Variants in TMEM26 observed in about 807,000 individuals in gnomAD.
TMEM26 encodes the protein transmembrane protein 26.
In TMEM26, 38 loss-of-function variants were observed where a neutral mutation model predicts 28.8. That is an observed-to-expected ratio of 1.32 (90% CI 1.02 to 1.73). The LOEUF is 1.73. Among genes scored for constraint, TMEM26 ranks in the 40% most tolerant of loss-of-function variants. The pLI, the probability that TMEM26 is intolerant of heterozygous loss-of-function variation, is 0.00. For synonymous variants in TMEM26, 227 were observed against 182.9 expected (o/e 1.24, Z -1.95); for missense variants, 518 against 447.1 (o/e 1.16, Z -1.43).
At chr10:61,451,638 C>T (rs1840282141) in intron 1 of TMEM26, among the ~76,000 whole-genome samples, 2 of 152,130 alleles carry the variant, frequency 1.3e-5, no homozygotes, top group South Asian at 2.1e-4. Context: ...ATGTCTCACG[C>T]TTAATAAATT....
intron 1 of TMEM26, among the ~76,000 whole-genome samples, chr10:61,449,295 T>C (rs1314319879): frequency 1.3e-5 from 2 of 152,116 alleles, no homozygotes; most frequent in Non-Finnish European, 2.9e-5. Flanking sequence ...GCATATTTTT[T>C]TTAGCTTAAC....
intron 1 of TMEM26, among the ~76,000 whole-genome samples, chr10:61,450,801 G>A (rs1000142677): frequency 6.6e-6 from 1 of 151,990 alleles, no homozygotes; most frequent in Non-Finnish European, 1.5e-5. Context: ...GGAACCAATG[G>A]TTTATTGGCT....
intron 1 of TMEM26, among the ~76,000 whole-genome samples, chr10:61,444,003 T>C (rs1840137887): frequency 6.6e-6 from 1 of 152,198 alleles, no homozygotes; most frequent in African/African-American, 2.4e-5. Flanking sequence ...AAATCCTAAC[T>C]GTCACCATCA....
intron 4 of TMEM26, among the ~76,000 whole-genome samples, 182 bp downstream of exon 4, chr10:61,428,744 A>T (rs1458446189): frequency 1.3e-5 from 2 of 152,146 alleles, no homozygotes; most frequent in Admixed American, 6.6e-5. Flanking sequence ...TGTATTTCTT[A>T]AAAAACATAA....
chr10:61,413,900 A>G (rs1839609629), intron 4 of TMEM26: 3 of 990,714 alleles, frequency 3.0e-6, no homozygotes, highest in Non-Finnish European at 3.6e-6. Context: ...TGTCAGTGGG[A>G]GGATTAATAA....
In TMEM26 at chr10:61,428,965, A is replaced by G; in HGVS notation, c.566T>C (p.Leu189Pro). The G allele has an allele frequency of 6.2e-7, 1 of 1,613,256 alleles. No homozygotes were observed. Reference sequence around the variant, plus strand: ...TTCTAGGGTCTCACTTGTGAATTCCAGTATGTCAGCCGCTGTCCCCACAAA... The same window carrying G: ...TTCTAGGGTCTCACTTGTGAATTCCGGTATGTCAGCCGCTGTCCCCACAAA... ...LMFVGTAADI[L>P]EFTSETLEEQ... Residue 189 changes from leucine to proline, a missense_variant, in exon 4 of 6, where the codon CTG (leucine) becomes CCG (proline). Physicochemically the swap from Leu to Pro is moderately conservative, Grantham distance 98. Coordinates refer to ENST00000399298, the MANE Select transcript of TMEM26 (RefSeq NM_178505.8).
chr10:61,421,247 C>T (rs1220465021), intron 4 of TMEM26, among the ~76,000 whole-genome samples: 1 of 151,448 alleles, frequency 6.6e-6, no homozygotes, highest in Non-Finnish European at 1.5e-5. Context: ...CTTAAAAATG[C>T]TCATATAACC....
intron 1 of TMEM26, among the ~76,000 whole-genome samples, chr10:61,450,270 T>A (rs1840254704): frequency 6.6e-6 from 1 of 152,194 alleles, no homozygotes; most frequent in South Asian, 2.1e-4. Context: ...ACTTCATCTC[T>A]ATTTAATTCC....
chr10:61,414,427 A>G (rs1048122094), intron 4 of TMEM26: 2 of 152,036 alleles, frequency 1.3e-5, no homozygotes, highest in East Asian at 3.8e-4. Context: ...AGGAGGAGTA[A>G]TTGAAACCAA....
At chr10:61,416,020 A>T (rs1839646118) in intron 4 of TMEM26, 1 of 412,714 alleles carries the variant, frequency 2.4e-6, no homozygotes, top group Non-Finnish European at 4.8e-6. Flanking sequence ...TTCAAATTTC[A>T]TCACAATAGA....
intron 2 of TMEM26, among the ~76,000 whole-genome samples, chr10:61,431,947 T>C (rs1354031700): frequency 6.6e-6 from 1 of 152,024 alleles, no homozygotes; most frequent in East Asian, 1.9e-4. Flanking sequence ...GTGTATTCAG[T>C]TTTTAGCTCC....
chr10:61,445,260 A>G (rs1840160891), intron 1 of TMEM26, among the ~76,000 whole-genome samples: 1 of 152,168 alleles, frequency 6.6e-6, no homozygotes, highest in Admixed American at 6.5e-5. Context: ...GGCACTAGCC[A>G]ATTTATTTTG....
rs1564470581 is a variant in TMEM26, at chr10:61,410,365, CG to C, written c.1063del (p.Arg355GlyfsTer17). ...GTCGTCGGAGGTGACTGGGGAGCCC[CG>C]CAAAGGAATAGCCAGGCCCTCCTTA... ...ESKEGLAIPL[R>X]GSPVTSDDSH... On this transcript the variant is annotated frameshift_variant, in exon 6 of 6. Transcript: ENST00000399298. LOFTEE classifies it low-confidence loss of function (END_TRUNC). The C allele has an allele frequency of 1.2e-6, 2 of 1,613,888 alleles. No individual in the cohort carries two copies. The highest frequency in any genetic ancestry group is 8.5e-7 in the Non-Finnish European group (1 of 1,179,920).
intron 4 of TMEM26, among the ~76,000 whole-genome samples, chr10:61,425,263 C>T (rs1303516993): frequency 6.6e-6 from 1 of 152,114 alleles, no homozygotes; most frequent in Non-Finnish European, 1.5e-5. Context: ...CAGTCACCTC[C>T]CACCAGCTTC....
chr10:61,440,331 G>A (rs182696427), intron 1 of TMEM26, among the ~76,000 whole-genome samples: 28 of 152,042 alleles, frequency 1.8e-4, no homozygotes, highest in African/African-American at 5.5e-4. Context: ...TACAAACATC[G>A]TTATGCTTAA....
intron 4 of TMEM26, among the ~76,000 whole-genome samples, chr10:61,421,507 G>A (rs1482295984): frequency 6.6e-6 from 1 of 152,062 alleles, no homozygotes; most frequent in Non-Finnish European, 1.5e-5. Context: ...GTTAAGATGA[G>A]GTCATATGGA....
chr10:61,410,482 C>A lies in TMEM26; in HGVS notation c.947G>T (p.Arg316Ile), dbSNP rs2135283286. The change falls in exon 6 of 6, where the codon AGA becomes ATA. Residue 316 changes from arginine to isoleucine, a missense_variant. Physicochemically the swap from Arg to Ile is moderately conservative, Grantham distance 97 (BLOSUM62 -3). Coordinates refer to ENST00000399298, the MANE Select transcript of TMEM26 (RefSeq NM_178505.8). ...VLALAVRASL[R>I]SQSEGLKGEH... ...TCCTTTCAGGCCTTCTGACTGACTT[C>A]TCAACGAAGCACGGACTGCCAATGC... 6.2e-7 allele frequency: 1 copy of A among 1,614,162 alleles called. No homozygotes were observed. Among genetic ancestry groups the A allele is most frequent in the Middle Eastern group, 1.6e-4 (1 of 6,062 alleles).
intron 1 of TMEM26, among the ~76,000 whole-genome samples, chr10:61,443,058 G>A (rs1348902966): frequency 6.6e-6 from 1 of 152,084 alleles, no homozygotes; most frequent in Non-Finnish European, 1.5e-5. Flanking sequence ...CCCTTTGCAT[G>A]TGCCTGTTCC....
intron 1 of TMEM26, among the ~76,000 whole-genome samples, chr10:61,450,565 CATT>C (rs1451170446): frequency 2.2e-4 from 33 of 152,182 alleles, no homozygotes; most frequent in African/African-American, 7.5e-4. Context: ...TAGAATAAAG[CATT>C]ATTAATCATA....
Sources: gnomAD v4.1 joint callset for allele counts (sites outside exome capture counted in the v4.1 genomes callset) on GRCh38, gnomAD v4.1.1 for gene constraint, MANE v1.5 for transcripts, NCBI Gene and HGNC (gene_info 2026-07-23, HGNC 2026-07-21) for gene names.